The following B3GALT1 variants were observed in gnomAD, a reference collection of about 807,000 sequenced individuals.
B3GALT1 encodes beta-1,3-galactosyltransferase 1, also known as UDP-Gal:betaGlcNAc beta 1,3-galactosyltransferase, polypeptide 1.
In B3GALT1, 10 loss-of-function variants were observed where a neutral mutation model predicts 23.2. The ratio of observed to expected loss-of-function variants is 0.43; its 90% CI spans 0.27 to 0.73. The LOEUF (loss-of-function observed/expected upper bound fraction) is 0.73, where lower values mean the gene tolerates loss of function less well. B3GALT1 is among the 30% of genes least tolerant of loss of function. The pLI, the probability that B3GALT1 is intolerant of heterozygous loss-of-function variation, is 0.21. For missense variants in B3GALT1, 299 were observed against 405.4 expected (o/e 0.74, Z 2.25); for synonymous variants, 156 against 141.5 (o/e 1.10, Z -0.73).
intron 2 of B3GALT1, among the ~76,000 whole-genome samples, chr2:167,500,149 G>C (rs1352348628): frequency 6.6e-6 from 1 of 152,064 alleles, no homozygotes; most frequent in Non-Finnish European, 1.5e-5. Context: ...CCTAGTCCCT[G>C]GTAAAAGCCT....
At chr2:167,801,100 A>T (rs138195170) in intron 3 of B3GALT1, among the ~76,000 whole-genome samples, 2 of 152,364 alleles carry the variant, frequency 1.3e-5, no homozygotes, top group Non-Finnish European at 2.9e-5. Context: ...TTGACAAAAC[A>T]GGCTCTTGGC....
intron 3 of B3GALT1, among the ~76,000 whole-genome samples, chr2:167,783,381 A>G (rs943860809): frequency 6.6e-6 from 1 of 152,090 alleles, no homozygotes; most frequent in South Asian, 2.1e-4. Context: ...CCATGCAATT[A>G]TTATTTCCTT....
At position 167,592,124 on chromosome 2, in the gene B3GALT1, A is replaced by T. The variant is rs374486537; in HGVS notation, c.-409-54785A>T. Among the ~76,000 whole-genome samples the T allele has an allele frequency of 9.8e-5, 15 of 152,308 alleles. No individual in the cohort carries two copies. The East Asian group carries it at 2.1e-3, about 22-fold the overall frequency. On this transcript the variant is annotated intron_variant, in intron 2 of 4. Coordinates refer to ENST00000392690, the MANE Select transcript of B3GALT1 (RefSeq NM_020981.4). ...TATGGGAGGTGCAAGTTTGGAGGCAAAAGATTTGGAACACCAAGTGGAGAT... is the reference window on the plus strand; with the variant it reads ...TATGGGAGGTGCAAGTTTGGAGGCATAAGATTTGGAACACCAAGTGGAGAT...
chr2:167,680,236 A>G (rs1574209273), intron 3 of B3GALT1, among the ~76,000 whole-genome samples: 2 of 152,210 alleles, frequency 1.3e-5, no homozygotes, highest in Non-Finnish European at 2.9e-5. Context: ...AGAGATTTAT[A>G]AATATGCATC....
At chr2:167,752,747 T>A (rs186000480) in intron 3 of B3GALT1, among the ~76,000 whole-genome samples, 6 of 152,298 alleles carry the variant, frequency 3.9e-5, no homozygotes, top group African/African-American at 1.2e-4. Context: ...ACTCAGCAAC[T>A]CACAATTGTT....
At chr2:167,645,535 C>A (rs1013699036) in intron 2 of B3GALT1, among the ~76,000 whole-genome samples, 3 of 148,504 alleles carry the variant, frequency 2.0e-5, no homozygotes, top group Non-Finnish European at 4.4e-5. Context: ...CTTGTTCTAC[C>A]CTTGGCCACT....
At chr2:167,776,673 A>T (rs1271308466) in intron 3 of B3GALT1, among the ~76,000 whole-genome samples, 2 of 152,214 alleles carry the variant, frequency 1.3e-5, no homozygotes, top group Non-Finnish European at 2.9e-5. Flanking sequence ...ATTTACTTTC[A>T]TGGGCCCCTG....
intron 1 of B3GALT1, among the ~76,000 whole-genome samples, chr2:167,373,254 C>G (rs547561228): frequency 6.6e-6 from 1 of 151,826 alleles, no homozygotes; most frequent in Non-Finnish European, 1.5e-5. Context: ...TTTTAAAAAA[C>G]AACAGTATGA....
At position 167,579,593 on chromosome 2, in the gene B3GALT1, C is replaced by T. The variant is rs116709747; in HGVS notation, c.-409-67316C>T. Among the ~76,000 whole-genome samples, 751 of 151,910 alleles carry T rather than the reference C, an allele frequency of 4.9e-3. 4 individuals are homozygous for T. Among genetic ancestry groups the T allele is most frequent in the African/African-American group, 0.017 (686 of 41,436 alleles). On this transcript the variant is annotated intron_variant, in intron 2 of 4. Transcript: ENST00000392690. The stretch of plus-strand genomic sequence containing the variant: ...GGCCTGATAACTGCTAGGTTAAAGT[C>T]CTCAAAAGTAGGAAACATTGTACAC...
chr2:167,676,434 C>T (rs1343845597), intron 3 of B3GALT1, among the ~76,000 whole-genome samples: 2 of 151,022 alleles, frequency 1.3e-5, no homozygotes, highest in Non-Finnish European at 2.9e-5. Context: ...GTTGAGAGAA[C>T]GCCTTGAATT....
chr2:167,476,066 T>C lies in B3GALT1; in HGVS notation c.-510-14111T>C, dbSNP rs576194309. Among the ~76,000 whole-genome samples the C allele has an allele frequency of 2.3e-3, 343 of 152,278 alleles. 2 individuals carry two copies. Among genetic ancestry groups the C allele is most frequent in the African/African-American group, 7.9e-3 (330 of 41,582 alleles). ...AATGACCTCATCTTAACACAACTAA[T>C]TCTATCTGCAACGACCCTATTTCCA... On this transcript the variant is annotated intron_variant, in intron 1 of 4. Coordinates refer to ENST00000392690, the MANE Select transcript of B3GALT1 (RefSeq NM_020981.4).
chr2:167,868,138 T>C (rs1329357166), intron 4 of B3GALT1, among the ~76,000 whole-genome samples: 5 of 152,188 alleles, frequency 3.3e-5, no homozygotes, highest in African/African-American at 1.2e-4. Context: ...GTCACTTGGG[T>C]GATGGGTTCC....
intron 4 of B3GALT1, among the ~76,000 whole-genome samples, chr2:167,868,510 C>T (rs1460014082): frequency 2.0e-5 from 3 of 147,852 alleles, no homozygotes; most frequent in Admixed American, 1.4e-4. Context: ...AAAAAAAATA[C>T]GTCATGTGAA....
At chr2:167,728,347 A>T (rs1314977759) in intron 3 of B3GALT1, among the ~76,000 whole-genome samples, 1 of 152,234 alleles carries the variant, frequency 6.6e-6, no homozygotes, top group Admixed American at 6.5e-5. Flanking sequence ...AGATCACGCC[A>T]CTGCACTCCA....
At chr2:167,405,376 GA>G (rs1698259983) in intron 1 of B3GALT1, among the ~76,000 whole-genome samples, 1 of 152,000 alleles carries the variant, frequency 6.6e-6, no homozygotes. Context: ...AAAGGATATT[GA>G]ACTTCCATGT....
intron 1 of B3GALT1, among the ~76,000 whole-genome samples, chr2:167,297,495 AAAC>A (rs1433723894): frequency 1.3e-5 from 2 of 152,120 alleles, no homozygotes; most frequent in African/African-American, 4.8e-5. Context: ...AGAAATGCTG[AAAC>A]AACAATTTTC....
chr2:167,699,379 TA>T lies in B3GALT1; in HGVS notation c.-352+52414del, dbSNP rs1342741996. Among the ~76,000 whole-genome samples, 871 of 110,518 alleles carry T rather than the reference TA, an allele frequency of 7.9e-3. 9 individuals carry two copies. The highest frequency in any genetic ancestry group is 0.026 in the African/African-American group (767 of 29,188). The allele number at this position is 110,518 out of a possible 152,430, so 72.5% of individuals were successfully genotyped here. On this transcript the variant is annotated intron_variant, in intron 3 of 4. Transcript: ENST00000392690. ...TGGGGGAGTTTTTTGCCATTATTTC[TA>T]TTTTTTTTTTTTTTTTTTTTTTTTT...
intron 2 of B3GALT1, among the ~76,000 whole-genome samples, chr2:167,585,163 T>G (rs1684566108): frequency 6.6e-6 from 1 of 152,160 alleles, no homozygotes; most frequent in African/African-American, 2.4e-5. Flanking sequence ...AGGAACTGTA[T>G]GCCAGGAAAC....
chr2:167,500,540 C>A (rs1699836055), intron 2 of B3GALT1, among the ~76,000 whole-genome samples: 2 of 151,928 alleles, frequency 1.3e-5, no homozygotes. Context: ...TTGGCCATAT[C>A]CAGATTTTCT....
Sources: gnomAD v4.1 joint callset for allele counts (sites outside exome capture counted in the v4.1 genomes callset) on GRCh38, gnomAD v4.1.1 for gene constraint, MANE v1.5 for transcripts, NCBI Gene and HGNC (gene_info 2026-07-23, HGNC 2026-07-21) for gene names.